The following SHISAL1 variants were observed in gnomAD, a reference collection of about 807,000 sequenced individuals.
SHISAL1 encodes protein shisa-like-1.
A neutral mutation model predicts 22.6 loss-of-function variants in SHISAL1; 9 were observed. That is an observed-to-expected ratio of 0.40 (90% confidence interval 0.24 to 0.70). The LOEUF is 0.70. Among genes scored for constraint, SHISAL1 ranks in the 30% least tolerant of loss-of-function variants. The pLI is 0.39. For synonymous variants in SHISAL1, 119 were observed against 115.4 expected, an observed-to-expected ratio of 1.03 and a Z score of -0.20; for missense variants, 246 against 270.6, an observed-to-expected ratio of 0.91 and a Z score of 0.64.
Position 44,285,628 on chromosome 22 carries a change from T to A in SHISAL1, c.399A>T (p.Ala133=). Residue 133 remains alanine, a synonymous_variant, in exon 4 of 5, where the codon GCA becomes GCT. Transcript: ENST00000381176. ...TCCATCGTCCTTGGATGCCCCACCG[T>A]GCCAGGTAGACCTTGCAGATGTCGT... ...MNYDICKVYL[A]RWGIQGRWMK... 6.2e-7 allele frequency: 1 copy of A among 1,614,212 alleles called. No individual in the cohort carries two copies. The highest frequency in any genetic ancestry group is 8.5e-7 in the Non-Finnish European group (1 of 1,180,018).
At chr22:44,326,183 C>T in the SHISAL1 span, among the ~76,000 whole-genome samples, 3 of 152,164 alleles carry the variant, frequency 2.0e-5, no homozygotes, top group Non-Finnish European at 4.4e-5. Flanking sequence ...AAATCACCAT[C>T]GTTTCCGTGA....
At chr22:44,317,757 A>G (rs1202440444), upstream of SHISAL1, among the ~76,000 whole-genome samples, 2 of 152,224 alleles carry the variant, frequency 1.3e-5, no homozygotes, top group Admixed American at 6.5e-5. Flanking sequence ...TGTCCGCTTC[A>G]GACACAGACT....
At chr22:44,266,941 G>A (rs2055168384) in intron 4 of SHISAL1, among the ~76,000 whole-genome samples, 3 of 152,060 alleles carry the variant, frequency 2.0e-5, no homozygotes, top group South Asian at 2.1e-4. Context: ...AGAAGCTGGC[G>A]GGCATCCCAG....
chr22:44,292,585 A>G (rs1385633935), intron 3 of SHISAL1, among the ~76,000 whole-genome samples: 1 of 152,164 alleles, frequency 6.6e-6, no homozygotes, highest in African/African-American at 2.4e-5. Flanking sequence ...CGGGGCCCCA[A>G]ATACAGACAG....
the SHISAL1 span, among the ~76,000 whole-genome samples, chr22:44,319,264 C>T: frequency 1.4e-4 from 22 of 152,252 alleles, no homozygotes; most frequent in African/African-American, 5.1e-4. Context: ...GGAGGGGCTA[C>T]TGCCCAAGTC....
intron 3 of SHISAL1, among the ~76,000 whole-genome samples, chr22:44,296,098 C>A (rs1253642119): frequency 6.6e-6 from 1 of 152,200 alleles, no homozygotes; most frequent in East Asian, 1.9e-4. Context: ...CTTAACCTCA[C>A]TTAGCTTCTA....
intron 3 of SHISAL1, among the ~76,000 whole-genome samples, chr22:44,292,511 C>T (rs2055359608): frequency 1.3e-5 from 2 of 152,214 alleles, no homozygotes; most frequent in Admixed American, 1.3e-4. Context: ...CTCCTTCCTC[C>T]CATGGTGAGG....
intron 4 of SHISAL1, among the ~76,000 whole-genome samples, chr22:44,269,216 ACACAC>A (rs1332357748): frequency 2.0e-5 from 3 of 150,474 alleles, no homozygotes; most frequent in Admixed American, 6.6e-5. Flanking sequence ...ATATATACAC[ACACAC>A]CACGCCACAC....
At chr22:44,289,495 T>TGC (rs369474296) in intron 3 of SHISAL1, among the ~76,000 whole-genome samples, 1 of 149,634 alleles carries the variant, frequency 6.7e-6, no homozygotes, top group Admixed American at 6.6e-5. Flanking sequence ...TGTGTGTGTG[T>TGC]TTACTGCCGG....
At chr22:44,281,396 T>A (rs135398) in intron 4 of SHISAL1, among the ~76,000 whole-genome samples, 3 of 151,772 alleles carry the variant, frequency 2.0e-5, no homozygotes, top group African/African-American at 7.3e-5. Flanking sequence ...AGGGCCTGGC[T>A]GGGCTGAATA....
At chr22:44,317,113 C>T (rs986639819), upstream of SHISAL1, among the ~76,000 whole-genome samples, 22 of 152,336 alleles carry the variant, frequency 1.4e-4, no homozygotes, top group Non-Finnish European at 2.4e-4. Context: ...CTGGAGGGCC[C>T]CTGTCCATCC....
At chr22:44,272,871 G>A (rs191910799) in intron 4 of SHISAL1, among the ~76,000 whole-genome samples, 154 of 152,304 alleles carry the variant, frequency 1.0e-3, no homozygotes, top group Non-Finnish European at 1.2e-3. Flanking sequence ...CGAGGCAGGC[G>A]GATTGCCTGG....
At chr22:44,251,752 G>GC (rs776697624) in intron 4 of SHISAL1, among the ~76,000 whole-genome samples, 9 of 152,154 alleles carry the variant, frequency 5.9e-5, no homozygotes, top group Non-Finnish European at 1.0e-4. Context: ...GGAAAGACCT[G>GC]CCCCCATGAT....
At chr22:44,300,854 C>T (rs1044784329) in intron 2 of SHISAL1, 25 bp downstream of exon 2, 2 of 1,608,550 alleles carry the variant, frequency 1.2e-6, no homozygotes, top group Non-Finnish European at 1.7e-6. Flanking sequence ...GCCGCCCCCG[C>T]CCCCAGCATC....
At position 44,248,218 on chromosome 22, in the gene SHISAL1, C is replaced by T. The variant is rs1334768831; in HGVS notation, c.*1467G>A. 1 of 150,318 alleles carries T rather than the reference C, an allele frequency of 6.7e-6. No individual in the cohort carries two copies. Among genetic ancestry groups the T allele is most frequent in the East Asian group, 1.9e-4 (1 of 5,190 alleles). The allele number at this position is 150,318 out of a possible 1,614,324, so 9.3% of individuals were successfully genotyped here. ...GCTAGCACAGTGAGCAGGGACCTGC[C>T]TTGCTCACTGTCGTGTCTGGTGAAT... is the stretch of plus-strand genomic sequence containing the variant. On this transcript the variant is annotated 3_prime_UTR_variant, in exon 5 of 5. Transcript: ENST00000381176.
chr22:44,271,705 G>C (rs544473915), intron 4 of SHISAL1, among the ~76,000 whole-genome samples: 1 of 152,154 alleles, frequency 6.6e-6, no homozygotes, highest in Non-Finnish European at 1.5e-5. Context: ...TCTGGGAGCC[G>C]GGCCTATTAA....
rs1424183311 is a variant in SHISAL1 at position 44,310,681 on chromosome 22, G to A, written c.-33+2070C>T. ...ACTGTTCCCAAAGCTGATGGTTTAG[G>A]TACCAGAGAGGGTCCTGTGTGCCCC... On this transcript the variant is annotated intron_variant, in intron 1 of 4. Transcript: ENST00000381176. This position sits in a 1 kb window ranked among gnomAD's most constrained non-coding sequence, Gnocchi z 4.0. Among the ~76,000 whole-genome samples the A allele has an allele frequency of 2.0e-5, 3 of 152,150 alleles. No individual in the cohort carries two copies. The highest frequency in any genetic ancestry group is 4.4e-5 in the Non-Finnish European group (3 of 68,040).
chr22:44,254,015 C>T (rs2055067910), intron 4 of SHISAL1, among the ~76,000 whole-genome samples: 2 of 151,952 alleles, frequency 1.3e-5, no homozygotes, highest in Admixed American at 1.3e-4. Flanking sequence ...AATGAAACCA[C>T]AGACCAAACC....
chr22:44,283,391 C>G lies in SHISAL1; in HGVS notation c.599+2037G>C, dbSNP rs922780871. Among the ~76,000 whole-genome samples the G allele has an allele frequency of 5.3e-5, 8 of 152,360 alleles. No homozygotes were observed. In the South Asian group the frequency reaches 1.7e-3, roughly 32 times the overall value. On this transcript the variant is annotated intron_variant, in intron 4 of 4. Coordinates refer to ENST00000381176, the MANE Select transcript of SHISAL1 (RefSeq NM_001099294.2). ...TGCAGGCTTGGCAAGCTCTCTGCAT[C>G]CTGATGGCATAGCACAGTGCCTGGC...
Sources: gnomAD v4.1 joint callset for allele counts (sites outside exome capture counted in the v4.1 genomes callset) on GRCh38, gnomAD v4.1.1 for gene constraint, Gnocchi (gnomAD v3.1) non-coding constraint, MANE v1.5 for transcripts, NCBI Gene and HGNC (gene_info 2026-07-23, HGNC 2026-07-21) for gene names.